The following CCDC3 variants were observed in gnomAD, a reference collection of about 807,000 sequenced individuals.
The protein encoded by CCDC3 is coiled-coil domain containing 3.
A neutral mutation model predicts 21.4 loss-of-function variants in CCDC3; 24 were observed. The observed-to-expected ratio is 1.12, with a 90% CI of 0.81 to 1.58. The LOEUF (loss-of-function observed/expected upper bound fraction) is 1.58, where lower values mean the gene tolerates loss of function less well. CCDC3 is among the 40% of genes most tolerant of loss of function. The pLI is 0.00. For missense variants in CCDC3, 425 were observed against 360.9 expected (o/e 1.18, Z -1.44); for synonymous variants, 186 against 166.0 (o/e 1.12, Z -0.93).
chr10:12,993,345 T>A (rs1835707317), intron 2 of CCDC3, among the ~76,000 whole-genome samples: 2 of 152,202 alleles, frequency 1.3e-5, no homozygotes. Context: ...CGGTCATTCC[T>A]CTGGAAATGG....
At chr10:13,012,490 C>A (rs559364261) in intron 5 of CCDC3, among the ~76,000 whole-genome samples, 2 of 152,178 alleles carry the variant, frequency 1.3e-5, no homozygotes, top group South Asian at 4.2e-4. Context: ...CAACATTATA[C>A]CATCTCGCAC....
At chr10:12,934,125 G>C (rs1200375754) in intron 2 of CCDC3, among the ~76,000 whole-genome samples, 1 of 152,026 alleles carries the variant, frequency 6.6e-6, no homozygotes, top group Middle Eastern at 3.2e-3. Context: ...CCCACAAATT[G>C]GTAAGTTATA....
At chr10:12,960,333 G>A (rs527588161) in intron 2 of CCDC3, among the ~76,000 whole-genome samples, 5 of 152,194 alleles carry the variant, frequency 3.3e-5, no homozygotes, top group African/African-American at 7.2e-5. Flanking sequence ...TGAGTGTGTC[G>A]TCTGTGTGTG....
chr10:13,082,722 G>A (rs969340982), intron 3 of CCDC3, among the ~76,000 whole-genome samples: 4 of 152,316 alleles, frequency 2.6e-5, no homozygotes, highest in African/African-American at 7.2e-5. Flanking sequence ...GCCCTCTAGT[G>A]GCCCTATCCG....
At chr10:12,970,292 T>C (rs1382889281) in intron 2 of CCDC3, among the ~76,000 whole-genome samples, 1 of 152,158 alleles carries the variant, frequency 6.6e-6, no homozygotes, top group East Asian at 1.9e-4. Context: ...ATTATGGTGG[T>C]TCAATATACA....
At chr10:12,941,288 T>C (rs1834827928) in intron 2 of CCDC3, among the ~76,000 whole-genome samples, 1 of 152,182 alleles carries the variant, frequency 6.6e-6, no homozygotes, top group Non-Finnish European at 1.5e-5. Context: ...GCATAAGTAA[T>C]CCACCCCTTG....
At chr10:12,954,808 A>G (rs2131251583) in intron 2 of CCDC3, among the ~76,000 whole-genome samples, 1 of 152,340 alleles carries the variant, frequency 6.6e-6, no homozygotes, top group East Asian at 1.9e-4. Context: ...ACTATGGCAA[A>G]TGGGATATAA....
intron 2 of CCDC3, among the ~76,000 whole-genome samples, chr10:12,919,493 G>A (rs909174652): frequency 2.0e-5 from 3 of 151,694 alleles, no homozygotes; most frequent in Non-Finnish European, 4.4e-5. Flanking sequence ...GGGAGGCTTA[G>A]GCAGGAGAAT....
At chr10:13,011,779 A>G (rs1227569552) in intron 5 of CCDC3, among the ~76,000 whole-genome samples, 1 of 152,210 alleles carries the variant, frequency 6.6e-6, no homozygotes, top group Non-Finnish European at 1.5e-5. Flanking sequence ...GAGGAATCAC[A>G]TTGCCCAACT....
chr10:13,085,509 C>A (rs904587181), intron 3 of CCDC3, among the ~76,000 whole-genome samples: 1 of 152,196 alleles, frequency 6.6e-6, no homozygotes, highest in Non-Finnish European at 1.5e-5. Context: ...AAATCCGTGA[C>A]CCCATCCCCA....
At chr10:13,005,142 G>T (rs1020824835), upstream of CCDC3, among the ~76,000 whole-genome samples, 3 of 152,190 alleles carry the variant, frequency 2.0e-5, no homozygotes, top group African/African-American at 7.2e-5. Context: ...GCTGCTCAAA[G>T]TTCTATCGAC....
chr10:12,948,727 A>AATT (rs1834961093), intron 2 of CCDC3, among the ~76,000 whole-genome samples: 2 of 29,340 alleles, frequency 6.8e-5, no homozygotes, highest in Non-Finnish European at 1.2e-4. Context: ...TTTTTAAGGC[A>AATT]GTTTTTTTTT....
At chr10:12,987,183 T>C (rs902167229) in intron 2 of CCDC3, among the ~76,000 whole-genome samples, 38 of 152,254 alleles carry the variant, frequency 2.5e-4, no homozygotes, top group African/African-American at 9.1e-4. Context: ...CACCAAATCC[T>C]CCCATTTCCT....
chr10:13,010,592 G>A (rs897649933), intron 5 of CCDC3, among the ~76,000 whole-genome samples: 4 of 152,162 alleles, frequency 2.6e-5, no homozygotes, highest in Non-Finnish European at 5.9e-5. Context: ...ATATGATTAA[G>A]CCATTCCACT....
intron 2 of CCDC3, among the ~76,000 whole-genome samples, chr10:12,928,297 G>A (rs1166790752): frequency 6.6e-6 from 1 of 152,086 alleles, no homozygotes; most frequent in Non-Finnish European, 1.5e-5. Context: ...GGAAGAAAAG[G>A]TTCAAAAAGC....
intron 5 of CCDC3, among the ~76,000 whole-genome samples, chr10:13,044,103 G>A (rs1349621867): frequency 6.6e-6 from 1 of 152,164 alleles, no homozygotes; most frequent in East Asian, 1.9e-4. Flanking sequence ...TTTCTCTGAT[G>A]ATTAGTGATG....
At chr10:12,936,177 T>TTTTG (rs542206872) in intron 2 of CCDC3, among the ~76,000 whole-genome samples, 39 of 152,334 alleles carry the variant, frequency 2.6e-4, no homozygotes, top group African/African-American at 9.1e-4. Context: ...TAATCTCAGT[T>TTTTG]TTTGTTTATT....
intron 2 of CCDC3, among the ~76,000 whole-genome samples, chr10:12,974,249 A>T (rs1835382524): frequency 6.6e-6 from 1 of 152,234 alleles, no homozygotes; most frequent in Admixed American, 6.5e-5. Flanking sequence ...CAGATGTGCG[A>T]ACTTCCTGCC....
intron 2 of CCDC3, among the ~76,000 whole-genome samples, chr10:12,953,495 G>A (rs1835039837): frequency 1.3e-5 from 2 of 152,250 alleles, no homozygotes; most frequent in African/African-American, 4.8e-5. Flanking sequence ...GGTACGATTA[G>A]AAGCAAAAGG....
Sources: gnomAD v4.1 joint callset for allele counts (sites outside exome capture counted in the v4.1 genomes callset) on GRCh38, gnomAD v4.1.1 for gene constraint, MANE v1.5 for transcripts, NCBI Gene and HGNC (gene_info 2026-07-23, HGNC 2026-07-21) for gene names.